The following CD99L2 variants were observed in gnomAD, a reference collection of about 807,000 sequenced individuals.
The protein encoded by CD99L2 is CD99 molecule like 2.
Under a neutral mutation model 27.3 loss-of-function variants are expected in CD99L2, and 24 were observed. The observed-to-expected ratio is 0.88, with a 90% CI of 0.64 to 1.24. The LOEUF (loss-of-function observed/expected upper bound fraction) is 1.24, where lower values mean the gene tolerates loss of function less well. CD99L2 is among the 50% of genes most tolerant of loss of function. The pLI, the probability that CD99L2 is intolerant of heterozygous loss-of-function variation, is 0.00. For synonymous variants in CD99L2, 97 were observed against 87.9 expected (o/e 1.10, Z -0.58); for missense variants, 255 against 221.6 (o/e 1.15, Z -0.96).
chrX:150,770,157 C>A lies in CD99L2; in HGVS notation c.721+147G>T, dbSNP rs782554510. On this transcript the variant is annotated intron_variant, in intron 10 of 10. Coordinates refer to ENST00000370377, the MANE Select transcript of CD99L2 (RefSeq NM_031462.4). ...TCTTTGGGCTCCTGAAACTGGGAGG[C>A]AGGCTCATCAGGGCAGGCTTTTGCT... is the stretch of plus-strand genomic sequence containing the variant. The A allele has an allele frequency of 4.2e-5, 21 of 500,045 alleles. No homozygotes were observed. The Admixed American group carries it at 7.9e-4, about 19-fold the overall frequency. The allele number at this position is 500,045 out of a possible 1,213,427, so 41.2% of individuals were successfully genotyped here. A position where few individuals can be genotyped will look rare whatever the true frequency, so the allele number is the denominator to read the frequency against.
At chrX:150,775,968 C>T (rs967853311) in intron 9 of CD99L2, among the ~76,000 whole-genome samples, 17 of 112,477 alleles carry the variant, frequency 1.5e-4, no homozygotes, top group South Asian at 3.6e-4. Flanking sequence ...CAGCCCCACG[C>T]GCTCTTGCAG....
chrX:150,862,878 A>G (rs1349635899), intron 1 of CD99L2, among the ~76,000 whole-genome samples: 13 of 87,017 alleles, frequency 1.5e-4, no homozygotes, highest in African/African-American at 2.9e-4. Context: ...GAAAGAAAGA[A>G]AAAGAAAGAA....
intron 9 of CD99L2, chrX:150,771,790 G>A (rs1177497888): frequency 8.7e-7 from 1 of 1,153,774 alleles, no homozygotes; most frequent in East Asian, 3.3e-5. Flanking sequence ...AGTGAGGAAG[G>A]CAAAGCAGCG....
Position 150,769,066 on chromosome X carries a change from G to C in CD99L2, c.757C>G (p.Pro253Ala), listed in dbSNP as rs1369459819. The change falls in exon 11 of 11, where the codon CCG becomes GCG. Residue 253 changes from proline (P) to alanine (A), a missense_variant. Transcript: ENST00000370377. ...YSTLHTQSAEPPPPPEPARI is the reference protein window; with the variant it reads ...YSTLHTQSAEAPPPPEPARI The stretch of plus-strand genomic sequence containing the variant: ...CGGGCTGGTTCGGGCGGCGGCGGCG[G>C]CTCTGCAGACTGCGTGTGCAACGTG... The C allele has an allele frequency of 1.7e-6, 2 of 1,159,426 alleles. No homozygotes were observed. The highest frequency in any genetic ancestry group is 3.7e-5 in the African/African-American group (2 of 53,552).
intron 7 of CD99L2, among the ~76,000 whole-genome samples, chrX:150,782,139 T>A (rs1397442442): frequency 8.9e-6 from 1 of 112,494 alleles, no homozygotes; most frequent in Non-Finnish European, 1.9e-5. Context: ...TCTATAAGTG[T>A]TCTAGACTCT....
rs1557423165 is a variant in CD99L2 at position 150,898,667 on chromosome X, A to C, written c.-79T>G. 1 of 917,635 alleles carries C rather than the reference A, an allele frequency of 1.1e-6. No individual in the cohort carries two copies. Among genetic ancestry groups the C allele is most frequent in the African/African-American group, 2.2e-5 (1 of 45,871 alleles). 75.6% of individuals were successfully genotyped at this position (917,635 alleles called of 1,213,427 possible). A position where few individuals can be genotyped will look rare whatever the true frequency, so the allele number is the denominator to read the frequency against. ...GAAGGGGAGGCCGAGGAGGAGCGGG[A>C]GGAGGAGCCCCGCCGCCTCTGCAGG... On this transcript the variant is annotated 5_prime_UTR_variant, in exon 1 of 11. Coordinates refer to ENST00000370377, the MANE Select transcript of CD99L2 (RefSeq NM_031462.4).
At chrX:150,875,086 C>T (rs1557422282) in intron 1 of CD99L2, among the ~76,000 whole-genome samples, 1 of 111,718 alleles carries the variant, frequency 9.0e-6, no homozygotes, top group African/African-American at 3.3e-5. Flanking sequence ...GTACAACCCT[C>T]TTGCTTGGCT....
At chrX:150,859,267 G>T (rs1021386065) in intron 1 of CD99L2, among the ~76,000 whole-genome samples, 2 of 111,319 alleles carry the variant, frequency 1.8e-5, no homozygotes, top group African/African-American at 6.5e-5. Context: ...TTGGGAGGCC[G>T]AGGCAGGTGG....
chrX:150,814,641 C>T, intron 4 of CD99L2, among the ~76,000 whole-genome samples: 1 of 112,156 alleles, frequency 8.9e-6, no homozygotes, highest in Non-Finnish European at 1.9e-5. Flanking sequence ...AGATGATGAG[C>T]ATTGGTAAAC....
chrX:150,851,128 C>T (rs781988463), intron 1 of CD99L2, among the ~76,000 whole-genome samples: 3 of 111,893 alleles, frequency 2.7e-5, no homozygotes, highest in Admixed American at 9.4e-5. Flanking sequence ...TGTGAGCCAC[C>T]GCACCCAGCC....
chrX:150,831,555 A>C (rs1557421066), intron 1 of CD99L2, among the ~76,000 whole-genome samples: 1 of 111,378 alleles, frequency 9.0e-6, no homozygotes, highest in East Asian at 2.8e-4. Flanking sequence ...ATGAGAACAC[A>C]TGAACACATA....
At chrX:150,792,536 C>T (rs1298796956) in intron 7 of CD99L2, among the ~76,000 whole-genome samples, 1 of 111,963 alleles carries the variant, frequency 8.9e-6, no homozygotes, top group African/African-American at 3.2e-5. Context: ...ATCCTTTAAT[C>T]GGAAGAGAAC....
intron 1 of CD99L2, among the ~76,000 whole-genome samples, chrX:150,878,372 GAAAAA>G (rs2047267015): frequency 9.2e-6 from 1 of 108,918 alleles, no homozygotes; most frequent in African/African-American, 3.3e-5. Context: ...CACCATGGGG[GAAAAA>G]TGTCCCATTC....
chrX:150,769,685 CCAGGCCTCGGCTGCTCCCCGA>C (rs1456174982), intron 10 of CD99L2, among the ~76,000 whole-genome samples: 7 of 86,032 alleles, frequency 8.1e-5, no homozygotes, highest in African/African-American at 5.6e-4. Context: ...GCCTGCGCCA[CCAGGCCTCGGCTGCTCCCCGA>C]CCCCAGCAAG....
intron 1 of CD99L2, among the ~76,000 whole-genome samples, chrX:150,833,943 TAA>T (rs1265094283): frequency 9.5e-6 from 1 of 105,645 alleles, no homozygotes; most frequent in Non-Finnish European, 2.0e-5. Flanking sequence ...TGAATAAAAC[TAA>T]AAAGTTTCTG....
intron 1 of CD99L2, among the ~76,000 whole-genome samples, chrX:150,894,574 TG>T (rs1557423010): frequency 1.1e-3 from 2 of 1,829 alleles, no homozygotes; most frequent in Non-Finnish European, 6.7e-3. Context: ...TTTTGTTTTG[TG>T]TGTGTGTGTG....
Position 150,768,801 on chromosome X carries a change from TGCTG to T in CD99L2, c.*229_*232del, listed in dbSNP as rs2043355219. 1 of 777,578 alleles carries T rather than the reference TGCTG, an allele frequency of 1.3e-6. No individual in the cohort carries two copies. Among genetic ancestry groups the T allele is most frequent in the Non-Finnish European group, 1.7e-6 (1 of 603,087 alleles). The allele number at this position is 777,578 out of a possible 1,213,427, so 64.1% of individuals were successfully genotyped here. ...GTGGCTCAGCAGCTCCCGAGGCTGG[TGCTG>T]GCTTTCTATCAGAGCTGGCTCTTGA... On this transcript the variant is annotated 3_prime_UTR_variant, in exon 11 of 11. Transcript: ENST00000370377.
intron 1 of CD99L2, among the ~76,000 whole-genome samples, chrX:150,861,865 C>T (rs936871161): frequency 9.3e-6 from 1 of 108,034 alleles, no homozygotes; most frequent in Non-Finnish European, 1.9e-5. Context: ...GAGATCACTC[C>T]ACTGTACTCC....
chrX:150,787,558 T>C (rs991612643), intron 7 of CD99L2, among the ~76,000 whole-genome samples: 4 of 110,473 alleles, frequency 3.6e-5, no homozygotes, highest in Admixed American at 1.9e-4. Context: ...TGAAATACTA[T>C]GCAGCCATAA....
Sources: allele counts gnomAD v4.1 joint callset (sites outside exome capture counted in the v4.1 genomes callset), GRCh38; gene constraint gnomAD v4.1.1; transcripts MANE v1.5; gene names NCBI Gene and HGNC (gene_info 2026-07-23, HGNC 2026-07-21).